Variants in MYO1B observed in about 807,000 individuals in gnomAD.
MYO1B encodes the protein myosin IB.
In MYO1B, 72 loss-of-function variants were observed where a neutral mutation model predicts 159.7. The observed-to-expected ratio is 0.45, with a 90% CI of 0.37 to 0.55. The LOEUF (loss-of-function observed/expected upper bound fraction) is 0.55, where lower values mean the gene tolerates loss of function less well. Ranked by LOEUF, MYO1B falls within the 20% of genes least tolerant of loss-of-function variation. The pLI is 0.00. For synonymous variants in MYO1B, 468 were observed against 473.8 expected, an observed-to-expected ratio of 0.99 and a Z score of 0.16; for missense variants, 1,062 against 1,364.8, an observed-to-expected ratio of 0.78 and a Z score of 3.50.
intron 30 of MYO1B, among the ~76,000 whole-genome samples, chr2:191,419,470 A>G (rs546645634): frequency 1.3e-5 from 2 of 152,246 alleles, no homozygotes; most frequent in South Asian, 2.1e-4. Context: ...TGCCCGCCTC[A>G]GCCTCCCAAA....
chr2:191,254,506 G>A (rs1425334021), intron 1 of MYO1B, among the ~76,000 whole-genome samples: 3 of 151,688 alleles, frequency 2.0e-5, no homozygotes, highest in Non-Finnish European at 2.9e-5. Flanking sequence ...CACCGCGCCC[G>A]GCCTCTTTTT....
intron 5 of MYO1B, among the ~76,000 whole-genome samples, chr2:191,344,426 G>A (rs1692424252): frequency 6.6e-6 from 1 of 152,112 alleles, no homozygotes; most frequent in Admixed American, 6.5e-5. Context: ...TTGCTGCCAG[G>A]GACCTACCAA....
At chr2:191,423,503 A>T (rs1698073881) in intron 30 of MYO1B, among the ~76,000 whole-genome samples, 1 of 152,210 alleles carries the variant, frequency 6.6e-6, no homozygotes, top group Admixed American at 6.5e-5. Flanking sequence ...CTATGACGTC[A>T]CTAAGCCATA....
At chr2:191,333,210 T>G (rs1691605552) in intron 4 of MYO1B, among the ~76,000 whole-genome samples, 1 of 152,178 alleles carries the variant, frequency 6.6e-6, no homozygotes, top group African/African-American at 2.4e-5. Context: ...CCAGTAACGT[T>G]AATGTGTTCT....
Position 191,354,256 on chromosome 2 carries a change from A to AAATAATAAT in MYO1B, c.562+4065_562+4073dup, listed in dbSNP as rs71030337. On this transcript the variant is annotated intron_variant, in intron 7 of 30. Transcript: ENST00000392318. ...GGGTGATAGAGCAAGACTCCGTCTT[A>AAATAATAAT]AATAATAATAATAATAATAATAATA... Among the ~76,000 whole-genome samples, 313 of 143,854 alleles carry AAATAATAAT rather than the reference A, an allele frequency of 2.2e-3. 4 individuals are homozygous for AAATAATAAT. Among genetic ancestry groups the AAATAATAAT allele is most frequent in the East Asian group, 5.3e-3 (26 of 4,942 alleles). The allele number at this position is 143,854 out of a possible 152,430, so 94.4% of individuals were successfully genotyped here. A position where few individuals can be genotyped will look rare whatever the true frequency, so the allele number is the denominator to read the frequency against.
At chr2:191,306,622 A>G (rs1476297289) in intron 3 of MYO1B, among the ~76,000 whole-genome samples, 1 of 152,066 alleles carries the variant, frequency 6.6e-6, no homozygotes, top group Non-Finnish European at 1.5e-5. Flanking sequence ...TGAGGATGGG[A>G]GGGACACTTT....
Position 191,383,266 on chromosome 2 carries a change from G to T in MYO1B, c.1291-14G>T, listed in dbSNP as rs760930185. On this transcript the variant is annotated splice_polypyrimidine_tract_variant and intron_variant, in intron 14 of 30. Coordinates refer to ENST00000392318, the MANE Select transcript of MYO1B (RefSeq NM_001130158.3). Reference sequence around the variant, plus strand: ...ATCTTGTGTCATTGGATTTTGTTCTGTTTTGTCTTTTAGGATATAGAATGG... The same window carrying T: ...ATCTTGTGTCATTGGATTTTGTTCTTTTTTGTCTTTTAGGATATAGAATGG... The T allele has an allele frequency of 1.3e-6, 2 of 1,545,654 alleles. No homozygotes were observed.
intron 2 of MYO1B, among the ~76,000 whole-genome samples, chr2:191,290,270 A>G (rs1249883765): frequency 6.6e-6 from 1 of 151,856 alleles, no homozygotes; most frequent in Non-Finnish European, 1.5e-5. Context: ...ATTAGTGGCC[A>G]TTGTTTCTCT....
chr2:191,327,571 G>C (rs1691183377), intron 3 of MYO1B, among the ~76,000 whole-genome samples: 1 of 152,212 alleles, frequency 6.6e-6, no homozygotes, highest in Non-Finnish European at 1.5e-5. Flanking sequence ...CCAGGGAATT[G>C]CATCTGAGAT....
intron 1 of MYO1B, among the ~76,000 whole-genome samples, chr2:191,259,459 A>T (rs1445296324): frequency 6.6e-6 from 1 of 152,218 alleles, no homozygotes; most frequent in South Asian, 2.1e-4. Context: ...GATCATAATC[A>T]TAGAGTACAT....
rs16833682 is a variant in MYO1B, at chr2:191,414,676, G to T, written c.3159+7G>T. The T allele has an allele frequency of 1.6e-4, 259 of 1,601,434 alleles. No individual in the cohort carries two copies. The African/African-American group carries it at 3.2e-3, about 20-fold the overall frequency. ...CGCCGTCCACCTCAAAGAGGTAAAG[G>T]TTCAACAGAAGATTTCTGTGCTTAA... On this transcript the variant is annotated splice_region_variant and intron_variant, in intron 29 of 30. Transcript: ENST00000392318.
chr2:191,298,492 T>A (rs895324887), intron 3 of MYO1B, among the ~76,000 whole-genome samples: 3 of 152,204 alleles, frequency 2.0e-5, no homozygotes, highest in African/African-American at 7.2e-5. Context: ...TGAAAAAATC[T>A]GGATTCCTAG....
Position 191,412,839 on chromosome 2 carries a change from GTTT to G in MYO1B, c.2874-1208_2874-1206del, listed in dbSNP as rs1697330957. ...GTTAACCTTTTACAAAAATTAGTTT[GTTT>G]GGGAAAAAAAAAATTGCCCTGATTC... On this transcript the variant is annotated intron_variant, in intron 27 of 30. Coordinates refer to ENST00000392318, the MANE Select transcript of MYO1B (RefSeq NM_001130158.3). 2.6e-4 allele frequency among the ~76,000 whole-genome samples: 12 copies of G among 46,274 alleles called. No individual in the cohort carries two copies. In the South Asian group the frequency reaches 0.015, roughly 56 times the overall value. The allele number at this position is 46,274 out of a possible 152,430, so 30.4% of individuals were successfully genotyped here. A position where few individuals can be genotyped will look rare whatever the true frequency, so the allele number is the denominator to read the frequency against.
At chr2:191,337,897 G>A (rs554761950) in intron 4 of MYO1B, among the ~76,000 whole-genome samples, 5 of 152,158 alleles carry the variant, frequency 3.3e-5, no homozygotes, top group South Asian at 2.1e-4. Context: ...ATTTGTATAA[G>A]TATATAAATA....
intron 13 of MYO1B, 24 bp downstream of exon 13, chr2:191,370,316 A>G (rs538986097): frequency 1.9e-6 from 3 of 1,557,416 alleles, no homozygotes; most frequent in South Asian, 1.1e-5. Context: ...TTTTTTTTGT[A>G]TTGTCTTTAG....
intron 1 of MYO1B, among the ~76,000 whole-genome samples, chr2:191,274,932 GAGT>G (rs1687658003): frequency 6.6e-6 from 1 of 151,910 alleles, no homozygotes; most frequent in Non-Finnish European, 1.5e-5. Context: ...TTTTGAGACA[GAGT>G]CTCACTCTGT....
intron 17 of MYO1B, among the ~76,000 whole-genome samples, chr2:191,389,547 G>A (rs956296628): frequency 2.6e-5 from 4 of 152,188 alleles, no homozygotes; most frequent in African/African-American, 9.7e-5. Context: ...ACGAAGGGGA[G>A]TGCCTGTCCC....
intron 30 of MYO1B, among the ~76,000 whole-genome samples, chr2:191,423,362 A>G (rs1055922116): frequency 1.3e-5 from 2 of 152,234 alleles, no homozygotes; most frequent in African/African-American, 4.8e-5. Context: ...AGACAAAAAA[A>G]TGGTACGACT....
At chr2:191,269,539 A>AG (rs1490870642) in intron 1 of MYO1B, among the ~76,000 whole-genome samples, 2 of 152,156 alleles carry the variant, frequency 1.3e-5, no homozygotes, top group East Asian at 3.8e-4. Context: ...TCGGTTACGT[A>AG]GGGAGTCTGT....
Sources: gnomAD v4.1 joint callset for allele counts (sites outside exome capture counted in the v4.1 genomes callset) on GRCh38, gnomAD v4.1.1 for gene constraint, MANE v1.5 for transcripts, NCBI Gene and HGNC (gene_info 2026-07-23, HGNC 2026-07-21) for gene names.